The following DDX52 variants were observed in gnomAD, a reference collection of about 807,000 sequenced individuals.
The protein encoded by DDX52 is DExD-box helicase 52.
DDX52 carries 59 observed loss-of-function variants against 76.1 expected under a neutral mutation model. That is an observed-to-expected ratio of 0.78 (90% CI 0.63 to 0.96). The LOEUF (loss-of-function observed/expected upper bound fraction) is 0.96. Among genes scored for constraint, DDX52 ranks in the 40% least tolerant of loss-of-function variants. The probability of loss-of-function intolerance (pLI) is 0.00; values close to 1 mark genes in which losing one functional copy is unlikely to be tolerated. For synonymous variants in DDX52, 231 were observed against 244.1 expected (o/e 0.95, Z 0.50); for missense variants, 707 against 703.9 (o/e 1.00, Z -0.05).
intron 14 of DDX52, among the ~76,000 whole-genome samples, chr17:37,616,733 TATTG>T (rs760138257): frequency 3.7e-4 from 57 of 152,076 alleles, no homozygotes; most frequent in Admixed American, 1.7e-3. Flanking sequence ...AATTTGTACT[TATTG>T]ATTGATTGAC....
Position 37,624,409 on chromosome 17 carries a change from G to A in DDX52, c.1162C>T (p.Gln388Ter), listed in dbSNP as rs1321495272. 6.2e-7 allele frequency: 1 copy of A among 1,605,796 alleles called. No homozygotes were observed. Among genetic ancestry groups the A allele is most frequent in the Non-Finnish European group, 8.5e-7 (1 of 1,174,712 alleles). ...TCAGATCCAACAAAGAGAAGCTCTT[G>A]TTCTACAGTTTCTACTGCAGAATTC... ...ARNSAVETVE[Q>*]ELLFVGSETG... Residue 388 changes from glutamine to a stop codon, truncating the protein, a stop_gained, in exon 9 of 15, where the codon CAA (glutamine) becomes TAA (stop). Transcript: ENST00000617633. LOFTEE classifies it high-confidence loss of function.
rs180782754 is a variant in DDX52, at chr17:37,642,121, G to A, written c.275C>T (p.Thr92Met). Reference sequence around the variant, plus strand: ...AATCAAACACTAACCTGAAGTCATCGTCTTCCTTTTTTTCTTGCTCTGCTC... The same window carrying A: ...AATCAAACACTAACCTGAAGTCATCATCTTCCTTTTTTTCTTGCTCTGCTC... ...KREQSKKKRK[T>M]MTSEIASQEE... Residue 92 changes from threonine (T) to methionine (M), a missense_variant, in exon 2 of 15, where the codon ACG becomes ATG. Coordinates refer to ENST00000617633, the MANE Select transcript of DDX52 (RefSeq NM_007010.5). 113 of 1,613,136 alleles carry A rather than the reference G, an allele frequency of 7.0e-5. 2 individuals are homozygous for A. In the East Asian group the frequency reaches 2.2e-3, roughly 32 times the overall value.
rs1399361149 is a variant in DDX52, at chr17:37,610,986, G to C, written c.*3310C>G. 1 of 152,206 alleles carries C rather than the reference G, an allele frequency of 6.6e-6. No individual in the cohort carries two copies. Among genetic ancestry groups the C allele is most frequent in the Non-Finnish European group, 1.5e-5 (1 of 68,052 alleles). 9.4% of individuals were successfully genotyped at this position (152,206 alleles called of 1,614,324 possible). Reference sequence around the variant, plus strand: ...CAGGTTACTGTAGATACTTTAAACAGACACAATAAAGTCAAGGATCATAGA... The same window carrying C: ...CAGGTTACTGTAGATACTTTAAACACACACAATAAAGTCAAGGATCATAGA... On this transcript the variant is annotated 3_prime_UTR_variant, in exon 15 of 15. Transcript: ENST00000617633.
Position 37,643,429 on chromosome 17 carries a change from A to G in DDX52, c.-9T>C. ...AGATCGTGGACGTCCATCTTTACCCAGAAAGCGCCACAGTTCTACGGCGCC... is the reference window on the plus strand; with the variant it reads ...AGATCGTGGACGTCCATCTTTACCCGGAAAGCGCCACAGTTCTACGGCGCC... On this transcript the variant is annotated 5_prime_UTR_variant, in exon 1 of 15. Coordinates refer to ENST00000617633, the MANE Select transcript of DDX52 (RefSeq NM_007010.5). The G allele has an allele frequency of 6.2e-7, 1 of 1,613,664 alleles. No individual in the cohort carries two copies.
chr17:37,620,968 TA>T lies in DDX52; in HGVS notation c.1502-21del. 6.3e-7 allele frequency: 1 copy of T among 1,574,978 alleles called. No individual in the cohort carries two copies. Among genetic ancestry groups the T allele is most frequent in the African/African-American group, 1.4e-5 (1 of 72,492 alleles). On this transcript the variant is annotated intron_variant, in intron 11 of 14. Transcript: ENST00000617633. ...TTCGACCTAAGAAAAATTAGACCATTAAAAAACACATTTTGGGGGGAAGGAG... is the reference window on the plus strand; with the variant it reads ...TTCGACCTAAGAAAAATTAGACCATTAAAAACACATTTTGGGGGGAAGGAG...
rs886294600 is a variant in DDX52, at chr17:37,613,709, ACAGCT to A, written c.*582_*586del. ...AGAGCAGCAGGTTTCTTCTTGGTAGACAGCTCATGCTACCATCCACAAAGTGAGCA... is the reference window on the plus strand; with the variant it reads ...AGAGCAGCAGGTTTCTTCTTGGTAGACATGCTACCATCCACAAAGTGAGCA... On this transcript the variant is annotated 3_prime_UTR_variant, in exon 15 of 15. Coordinates refer to ENST00000617633, the MANE Select transcript of DDX52 (RefSeq NM_007010.5). 3 of 152,610 alleles carry A rather than the reference ACAGCT, an allele frequency of 2.0e-5. No individual in the cohort carries two copies. Among genetic ancestry groups the A allele is most frequent in the Non-Finnish European group, 2.9e-5 (2 of 68,038 alleles). 9.5% of individuals were successfully genotyped at this position (152,610 alleles called of 1,614,324 possible).
At chr17:37,625,650 G>A (rs1341782301) in intron 8 of DDX52, among the ~76,000 whole-genome samples, 1 of 151,828 alleles carries the variant, frequency 6.6e-6, no homozygotes, top group Non-Finnish European at 1.5e-5. Context: ...TATACTCTGT[G>A]GATGGAAAAA....
intron 8 of DDX52, among the ~76,000 whole-genome samples, chr17:37,625,334 G>A (rs2030310950): frequency 6.6e-6 from 1 of 152,040 alleles, no homozygotes; most frequent in African/African-American, 2.4e-5. Context: ...TTTAAAATAG[G>A]GTATTCTTTA....
intron 9 of DDX52, 158 bp downstream of exon 9, chr17:37,624,186 T>C (rs2030244554): frequency 2.1e-6 from 1 of 468,206 alleles, no homozygotes. Flanking sequence ...AGGATGATCA[T>C]ATAGTTAGCA....
intron 12 of DDX52, chr17:37,620,107 T>C (rs753829847): frequency 2.7e-6 from 1 of 375,964 alleles, no homozygotes; most frequent in Non-Finnish European, 4.8e-6. Flanking sequence ...AAACTCAATC[T>C]TGGAGGAAGC....
At chr17:37,626,183 G>T in intron 7 of DDX52, 85 bp from the exon 8 acceptor site, 1 of 1,426,558 alleles carries the variant, frequency 7.0e-7, no homozygotes, top group South Asian at 1.2e-5. Flanking sequence ...GGACACATGA[G>T]GAAGTCAAAC....
At chr17:37,619,511 T>C (rs370171454) in intron 13 of DDX52, among the ~76,000 whole-genome samples, 216 of 152,086 alleles carry the variant, frequency 1.4e-3, no homozygotes, top group African/African-American at 5.1e-3. Context: ...AAGACTAGCC[T>C]GGTTAACACA....
At position 37,643,436 on chromosome 17, in the gene DDX52, G is replaced by T. The variant is rs1402878948; in HGVS notation, c.-16C>A. The T allele has an allele frequency of 2.5e-6, 4 of 1,613,278 alleles. No homozygotes were observed. Among genetic ancestry groups the T allele is most frequent in the South Asian group, 1.1e-5 (1 of 91,062 alleles). On this transcript the variant is annotated 5_prime_UTR_variant, in exon 1 of 15. Coordinates refer to ENST00000617633, the MANE Select transcript of DDX52 (RefSeq NM_007010.5). The stretch of plus-strand genomic sequence containing the variant: ...GGACGTCCATCTTTACCCAGAAAGC[G>T]CCACAGTTCTACGGCGCCTGCGCAG...
chr17:37,624,354 A>T lies in DDX52; in HGVS notation c.1217T>A (p.Leu406His). 1 of 1,607,882 alleles carries T rather than the reference A, an allele frequency of 6.2e-7. No homozygotes were observed. The highest frequency in any genetic ancestry group is 8.5e-7 in the Non-Finnish European group (1 of 1,176,220). ...ETGKLLAVRELVKKGFNPPVL... is the reference protein window; with the variant it reads ...ETGKLLAVREHVKKGFNPPVL... ...GTAATACAAATATACCTTTTTAACA[A>T]GTTCTCTCACGGCCAGAAGTTTTCC... Residue 406 changes from leucine to histidine, a missense_variant, in exon 9 of 15, where the codon CTT becomes CAT. Leu to His is a moderately conservative substitution (Grantham distance 99, BLOSUM62 -3). Transcript: ENST00000617633.
At chr17:37,641,459 C>A (rs945917991) in intron 2 of DDX52, among the ~76,000 whole-genome samples, 1 of 151,966 alleles carries the variant, frequency 6.6e-6, no homozygotes, top group Non-Finnish European at 1.5e-5. Flanking sequence ...TTGTTTCAGG[C>A]AGGGCGCGGT....
chr17:37,614,139 G>C lies in DDX52; in HGVS notation c.*157C>G, dbSNP rs1332808456. 1 of 725,106 alleles carries C rather than the reference G, an allele frequency of 1.4e-6. No individual in the cohort carries two copies. Among genetic ancestry groups the C allele is most frequent in the Non-Finnish European group, 2.1e-6 (1 of 472,592 alleles). The allele number at this position is 725,106 out of a possible 1,614,324, so 44.9% of individuals were successfully genotyped here. ...GGCACCTACAAATTGAAACTGACTT[G>C]ATAGTTTAGGATCATTTATCACCAG... is the stretch of plus-strand genomic sequence containing the variant. On this transcript the variant is annotated 3_prime_UTR_variant, in exon 15 of 15. Transcript: ENST00000617633.
chr17:37,619,822 T>G lies in DDX52; in HGVS notation c.1595A>C (p.Gln532Pro). The change falls in exon 13 of 15, where the codon CAG becomes CCG. Residue 532 changes from glutamine to proline, a missense_variant. By Grantham distance (76) the Gln-to-Pro change is moderately conservative. Coordinates refer to ENST00000617633, the MANE Select transcript of DDX52 (RefSeq NM_007010.5). ...PLLRSVANVI[Q>P]QAGCPVPEYI... ...TTCTGGTACAGGACACCCAGCCTGC[T>G]GTATAACATTAGCAACGCTGAAAAA... 1 of 1,613,890 alleles carries G rather than the reference T, an allele frequency of 6.2e-7. No homozygotes were observed. Among genetic ancestry groups the G allele is most frequent in the Non-Finnish European group, 8.5e-7 (1 of 1,179,960 alleles).
intron 2 of DDX52, among the ~76,000 whole-genome samples, chr17:37,641,731 G>C (rs1455280490): frequency 6.6e-6 from 1 of 151,240 alleles, no homozygotes; most frequent in East Asian, 1.9e-4. Context: ...GTGAGACTCT[G>C]TCTCAAAAAA....
Position 37,611,963 on chromosome 17 carries a change from A to AC in DDX52, c.*2332_*2333insG, listed in dbSNP as rs2064371519. 1.3e-5 allele frequency: 2 copies of AC among 149,216 alleles called. No homozygotes were observed. Among genetic ancestry groups the AC allele is most frequent in the Admixed American group, 1.3e-4 (2 of 14,940 alleles). 9.2% of individuals were successfully genotyped at this position (149,216 alleles called of 1,614,324 possible). ...GTAACAGACCCTGTTTCTCAAAAAA[A>AC]AAAAAAAAAACAAAACAAAAAAACT... On this transcript the variant is annotated 3_prime_UTR_variant, in exon 15 of 15. Transcript: ENST00000617633.
Sources: allele counts gnomAD v4.1 joint callset (sites outside exome capture counted in the v4.1 genomes callset), GRCh38; gene constraint gnomAD v4.1.1; transcripts MANE v1.5; gene names NCBI Gene and HGNC (gene_info 2026-07-23, HGNC 2026-07-21).